Variants in VIT observed in about 807,000 individuals in gnomAD.
The protein encoded by VIT is vitrin.
VIT carries 99 observed loss-of-function variants against 78.0 expected under a neutral mutation model. That is an observed-to-expected ratio of 1.27 (90% CI 1.08 to 1.50). VIT has a LOEUF of 1.50. Among genes scored for constraint, VIT ranks in the 40% most tolerant of loss-of-function variants. The pLI, the probability that VIT is intolerant of heterozygous loss-of-function variation, is 0.00. For synonymous variants in VIT, 374 were observed against 334.3 expected (o/e 1.12, Z -1.29); for missense variants, 1,126 against 875.3 (o/e 1.29, Z -3.61).
At chr2:36,726,768 G>A (rs1002808110) in intron 2 of VIT, among the ~76,000 whole-genome samples, 2 of 128,328 alleles carry the variant, frequency 1.6e-5, no homozygotes, top group East Asian at 2.4e-4. Context: ...GCAGTGGGCC[G>A]AAATCACACT....
intron 12 of VIT, among the ~76,000 whole-genome samples, chr2:36,795,342 CTTATTTTATT>C (rs1219296983): frequency 1.1e-3 from 166 of 148,524 alleles, no homozygotes; most frequent in African/African-American, 4.0e-3. Context: ...AACACTCTGC[CTTATTTTATT>C]TTATTTTATT....
chr2:36,719,203 C>T (rs1666342482), intron 2 of VIT, among the ~76,000 whole-genome samples: 1 of 152,116 alleles, frequency 6.6e-6, no homozygotes, highest in Admixed American at 6.5e-5. Context: ...ACAATAAAGG[C>T]CAGGTATGAC....
intron 2 of VIT, among the ~76,000 whole-genome samples, chr2:36,719,889 C>T (rs1230719462): frequency 6.6e-6 from 1 of 152,024 alleles, no homozygotes; most frequent in East Asian, 1.9e-4. Context: ...CTATAGTGAG[C>T]CATGATCATG....
At chr2:36,755,174 G>A (rs1429983010) in intron 5 of VIT, 120 bp downstream of exon 5, 4 of 1,120,344 alleles carry the variant, frequency 3.6e-6, no homozygotes, top group South Asian at 4.5e-5. Flanking sequence ...TGAAGCATTC[G>A]TTTTTCTGAT....
At position 36,754,979 on chromosome 2, in the gene VIT, G is replaced by T. The variant is rs1668676952; in HGVS notation, c.334G>T (p.Gly112Cys). 1 of 1,614,116 alleles carries T rather than the reference G, an allele frequency of 6.2e-7. No individual in the cohort carries two copies. The highest frequency in any genetic ancestry group is 2.2e-5 in the East Asian group (1 of 44,886). Residue 112 changes from glycine to cysteine, a missense_variant, in exon 5 of 16, where the codon GGT becomes TGT. Gly to Cys is a radical substitution (Grantham distance 159). Coordinates refer to ENST00000379242, the MANE Select transcript of VIT (RefSeq NM_053276.4). ...ILVRKVAGQSGYKGSYSNGVQ... is the reference protein window; with the variant it reads ...ILVRKVAGQSCYKGSYSNGVQ... ...TGTTCGGAAGGTTGCTGGACAGTCTGGTTACAAAGGGAGTTATTCCAACGG... is the reference window on the plus strand; with the variant it reads ...TGTTCGGAAGGTTGCTGGACAGTCTTGTTACAAAGGGAGTTATTCCAACGG...
chr2:36,767,469 C>A (rs1465837988), intron 7 of VIT, among the ~76,000 whole-genome samples, 184 bp downstream of exon 7: 3 of 152,224 alleles, frequency 2.0e-5, no homozygotes, highest in Non-Finnish European at 4.4e-5. Flanking sequence ...AAAAATAAGA[C>A]TGCTGTCACC....
rs1491072670 is a variant in VIT at position 36,699,615 on chromosome 2, TAG to T, written c.-19+2644_-19+2645del. ...ATATAGATATAGATATAGATATAGA[TAG>T]ATATATAGGTAGATAGATAGATAGA... On this transcript the variant is annotated intron_variant, in intron 1 of 15. Transcript: ENST00000379242. Among the ~76,000 whole-genome samples the T allele has an allele frequency of 5.8e-3, 809 of 139,424 alleles. 10 individuals are homozygous for T. Among genetic ancestry groups the T allele is most frequent in the African/African-American group, 0.017 (611 of 36,784 alleles). The allele number at this position is 139,424 out of a possible 152,430, so 91.5% of individuals were successfully genotyped here.
intron 1 of VIT, among the ~76,000 whole-genome samples, chr2:36,704,595 T>A (rs1436988002): frequency 1.3e-5 from 2 of 152,198 alleles, no homozygotes; most frequent in African/African-American, 4.8e-5. Flanking sequence ...CTGGGTCTCC[T>A]GCTTCTAAAT....
chr2:36,726,802 G>A (rs1666875932), intron 2 of VIT, among the ~76,000 whole-genome samples: 1 of 127,488 alleles, frequency 7.8e-6, no homozygotes, highest in African/African-American at 3.1e-5. Context: ...ATGGGCAACA[G>A]AGTGGGACTC....
chr2:36,777,822 G>C (rs1015925442), intron 9 of VIT, among the ~76,000 whole-genome samples: 1 of 152,150 alleles, frequency 6.6e-6, no homozygotes, highest in Non-Finnish European at 1.5e-5. Context: ...TGTGTCATCT[G>C]GAAAATGGAT....
In VIT at chr2:36,738,205, A is replaced by C. The variant is rs1038262010; in HGVS notation, c.119-4895A>C. Among the ~76,000 whole-genome samples, 7 of 152,316 alleles carry C rather than the reference A, an allele frequency of 4.6e-5. No homozygotes were observed. The East Asian group carries it at 1.3e-3, about 29-fold the overall frequency. ...CTTCAAGTTCAGAAAAGCCTGTAAG[A>C]TTAGACTAGAGAAGCTGCAGTTTAA... On this transcript the variant is annotated intron_variant, in intron 3 of 15. Transcript: ENST00000379242.
At chr2:36,781,093 T>A (rs1664721665) in intron 9 of VIT, among the ~76,000 whole-genome samples, 1 of 152,210 alleles carries the variant, frequency 6.6e-6, no homozygotes, top group Non-Finnish European at 1.5e-5. Context: ...TCCTTTATTC[T>A]GCTTGAGTCA....
At chr2:36,781,125 G>A (rs538875382) in intron 9 of VIT, among the ~76,000 whole-genome samples, 5 of 152,190 alleles carry the variant, frequency 3.3e-5, no homozygotes, top group South Asian at 2.1e-4. Context: ...GCAGAATCTC[G>A]GGAAATAAGC....
At chr2:36,732,987 G>A (rs1667296861) in intron 3 of VIT, among the ~76,000 whole-genome samples, 1 of 152,192 alleles carries the variant, frequency 6.6e-6, no homozygotes, top group Non-Finnish European at 1.5e-5. Flanking sequence ...TACAGAAATA[G>A]AGAATAGAAG....
chr2:36,730,803 C>T (rs865953312), intron 3 of VIT, among the ~76,000 whole-genome samples: 105 of 152,278 alleles, frequency 6.9e-4, no homozygotes, highest in African/African-American at 2.5e-3. Flanking sequence ...AGGGGTGGTT[C>T]CCCTACCCAA....
Position 36,781,740 on chromosome 2 carries a change from A to G in VIT, c.816A>G (p.Ser272=), listed in dbSNP as rs533387977. 1.2e-6 allele frequency: 2 copies of G among 1,614,088 alleles called. No homozygotes were observed. The highest frequency in any genetic ancestry group is 1.3e-5 in the African/African-American group (1 of 74,920). ...TTTGAAAATCAGGAGAGATGGACTC[A>G]TGGAAACCTGGATCGGTCCTTTTAG... The part of the protein sequence containing the change: ...GADVSLGEMD[S]WKPGSVLLDE... Residue 272 remains serine, a synonymous_variant, in exon 10 of 16, where the codon TCA becomes TCG. Coordinates refer to ENST00000379242, the MANE Select transcript of VIT (RefSeq NM_053276.4).
intron 11 of VIT, 66 bp downstream of exon 11, chr2:36,783,468 C>A: frequency 6.9e-7 from 1 of 1,456,634 alleles, no homozygotes; most frequent in Non-Finnish European, 9.5e-7. Context: ...TCCTCTCTTC[C>A]CACTCACTCC....
intron 9 of VIT, among the ~76,000 whole-genome samples, chr2:36,777,006 A>T (rs60549516): frequency 4.2e-5 from 6 of 143,400 alleles, no homozygotes; most frequent in South Asian, 2.3e-4. Flanking sequence ...GGAGAATGGC[A>T]TGAACCCAGG....
In VIT at chr2:36,755,205, A is replaced by G. The variant is rs1668692286; in HGVS notation, c.409+151A>G. The G allele has an allele frequency of 6.5e-6, 6 of 923,652 alleles. No homozygotes were observed. In the East Asian group the frequency reaches 1.4e-4, roughly 22 times the overall value. 57.2% of individuals were successfully genotyped at this position (923,652 alleles called of 1,614,324 possible). A position where few individuals can be genotyped will look rare whatever the true frequency, so the allele number is the denominator to read the frequency against. ...CTGATAATTAGAATCACGACACAAT[A>G]AATTAGAATTACATGATAAATCACC... On this transcript the variant is annotated intron_variant, in intron 5 of 15. Coordinates refer to ENST00000379242, the MANE Select transcript of VIT (RefSeq NM_053276.4).
Sources: gnomAD v4.1 joint callset for allele counts (sites outside exome capture counted in the v4.1 genomes callset) on GRCh38, gnomAD v4.1.1 for gene constraint, MANE v1.5 for transcripts, NCBI Gene and HGNC (gene_info 2026-07-23, HGNC 2026-07-21) for gene names.